The following LRBA variants were observed in gnomAD, a reference collection of about 807,000 sequenced individuals.
LRBA encodes the protein lipopolysaccharide-responsive and beige-like anchor protein.
LRBA carries 176 observed loss-of-function variants against 330.0 expected under a neutral mutation model. The observed-to-expected ratio is 0.53, with a 90% CI of 0.47 to 0.60. LRBA has a LOEUF of 0.60. Among genes scored for constraint, LRBA ranks in the 20% least tolerant of loss-of-function variants. The probability of loss-of-function intolerance (pLI) is 0.00; values close to 1 mark genes in which losing one functional copy is unlikely to be tolerated. For missense variants in LRBA, 3,259 were observed against 3,444.8 expected (o/e 0.95, Z 1.35); for synonymous variants, 1,230 against 1,193.0 (o/e 1.03, Z -0.64).
At position 150,327,010 on chromosome 4, in the gene LRBA, A is replaced by T. The variant is rs536657270; in HGVS notation, c.7363-1112T>A. Among the ~76,000 whole-genome samples, 16 of 152,318 alleles carry T rather than the reference A, an allele frequency of 1.1e-4. No individual in the cohort carries two copies. In the South Asian group the frequency reaches 3.3e-3, roughly 32 times the overall value. On this transcript the variant is annotated intron_variant, in intron 48 of 56. Coordinates refer to ENST00000651943, the MANE Select transcript of LRBA (RefSeq NM_001364905.1). ...TGATTAAACATCAAGAACAAGCTTG[A>T]GAAAAAAATCATAAAATGGGAACCT...
chr4:150,841,946 G>A (rs1179085541), intron 28 of LRBA, among the ~76,000 whole-genome samples: 4 of 151,978 alleles, frequency 2.6e-5, no homozygotes, highest in East Asian at 3.9e-4. Context: ...GTGAGCCACC[G>A]CACCCACCCA....
At chr4:150,564,649 C>T (rs1221101085) in intron 40 of LRBA, among the ~76,000 whole-genome samples, 1 of 151,982 alleles carries the variant, frequency 6.6e-6, no homozygotes, top group South Asian at 2.1e-4. Flanking sequence ...TAACAAAGGG[C>T]TAATATCCAG....
intron 47 of LRBA, among the ~76,000 whole-genome samples, chr4:150,373,164 TGTGTGTGTGAGAGAGA>T (rs1448144436): frequency 3.7e-5 from 5 of 135,120 alleles, no homozygotes; most frequent in Admixed American, 1.6e-4. Flanking sequence ...TGTGTGTGTG[TGTGTGTGTGAGAGAGA>T]GAGAGAGAGA....
intron 33 of LRBA, among the ~76,000 whole-genome samples, chr4:150,804,130 A>G (rs866570694): frequency 2.0e-5 from 3 of 152,290 alleles, no homozygotes; most frequent in East Asian, 1.9e-4. Flanking sequence ...TTCAATTTTT[A>G]AAATTCAATT....
At chr4:150,856,890 T>C (rs976331047) in intron 22 of LRBA, among the ~76,000 whole-genome samples, 5 of 152,180 alleles carry the variant, frequency 3.3e-5, no homozygotes, top group Non-Finnish European at 7.4e-5. Flanking sequence ...CTAATGACTA[T>C]AACATTTCTT....
At chr4:150,424,978 T>C (rs375200882) in intron 46 of LRBA, among the ~76,000 whole-genome samples, 2 of 152,192 alleles carry the variant, frequency 1.3e-5, no homozygotes, top group Non-Finnish European at 2.9e-5. Flanking sequence ...AACTGATATA[T>C]ACCAATATGT....
intron 44 of LRBA, among the ~76,000 whole-genome samples, chr4:150,453,696 ACTAT>A (rs1753667845): frequency 6.6e-6 from 1 of 152,094 alleles, no homozygotes; most frequent in Non-Finnish European, 1.5e-5. Context: ...ATACACGTAC[ACTAT>A]CTATTCACAG....
At chr4:150,485,151 T>C (rs761598658) in intron 42 of LRBA, among the ~76,000 whole-genome samples, 1 of 152,004 alleles carries the variant, frequency 6.6e-6, no homozygotes. Context: ...TGGTTAATAA[T>C]GTTCCAGTCT....
In LRBA at chr4:150,844,032, A is replaced by C. The variant is rs946345413; in HGVS notation, c.4569+68T>G. ...GATATCACAAAGAATTTTTAATCTC[A>C]ATACATTAGGCCTAAGAGGAAATAT... On this transcript the variant is annotated intron_variant, in intron 28 of 56. Coordinates refer to ENST00000651943, the MANE Select transcript of LRBA (RefSeq NM_001364905.1). 3.2e-5 allele frequency: 31 copies of C among 956,874 alleles called. No homozygotes were observed. The African/African-American group carries it at 4.8e-4, about 15-fold the overall frequency. The allele number at this position is 956,874 out of a possible 1,614,324, so 59.3% of individuals were successfully genotyped here.
At chr4:150,522,542 C>A (rs751352972) in intron 40 of LRBA, among the ~76,000 whole-genome samples, 3 of 152,108 alleles carry the variant, frequency 2.0e-5, no homozygotes, top group Non-Finnish European at 4.4e-5. Context: ...GAGGGTAGAT[C>A]TTTTTCAAAG....
intron 37 of LRBA, among the ~76,000 whole-genome samples, chr4:150,622,958 A>G (rs973487929): frequency 6.6e-6 from 1 of 152,004 alleles, no homozygotes; most frequent in Non-Finnish European, 1.5e-5. Flanking sequence ...CGGCCTCCCA[A>G]AGTGTTGGGA....
At chr4:150,595,442 C>T (rs978099706) in intron 38 of LRBA, among the ~76,000 whole-genome samples, 2 of 151,872 alleles carry the variant, frequency 1.3e-5, no homozygotes, top group African/African-American at 4.8e-5. Flanking sequence ...AAATGAGTTA[C>T]TTGTATCATT....
chr4:150,555,880 G>A (rs913894434), intron 40 of LRBA, among the ~76,000 whole-genome samples: 1 of 151,900 alleles, frequency 6.6e-6, no homozygotes, highest in African/African-American at 2.4e-5. Context: ...GCGGCTCACT[G>A]CAGCCTTAAT....
intron 22 of LRBA, among the ~76,000 whole-genome samples, chr4:150,853,742 G>A (rs1259096422): frequency 1.3e-5 from 2 of 152,040 alleles, no homozygotes; most frequent in African/African-American, 4.8e-5. Flanking sequence ...AAAATCTAAG[G>A]ATTATCTTAT....
At chr4:150,386,845 T>A (rs1430653454) in intron 47 of LRBA, among the ~76,000 whole-genome samples, 1 of 152,194 alleles carries the variant, frequency 6.6e-6, no homozygotes, top group African/African-American at 2.4e-5. Flanking sequence ...AACCATACTG[T>A]CTTCAACAAT....
chr4:150,796,003 C>A (rs866304587), intron 34 of LRBA, among the ~76,000 whole-genome samples: 18 of 151,940 alleles, frequency 1.2e-4, no homozygotes, highest in Middle Eastern at 3.4e-3. Context: ...ATAAGCATAT[C>A]CCATTATTTA....
At position 150,321,488 on chromosome 4, in the gene LRBA, T is replaced by G; in HGVS notation, c.7453-120A>C. 1.3e-6 allele frequency: 1 copy of G among 791,398 alleles called. No homozygotes were observed. The highest frequency in any genetic ancestry group is 1.9e-6 in the Non-Finnish European group (1 of 523,282). The allele number at this position is 791,398 out of a possible 1,614,324, so 49.0% of individuals were successfully genotyped here. On this transcript the variant is annotated intron_variant, in intron 49 of 56. Transcript: ENST00000651943. This position sits in a 1 kb window ranked among gnomAD's most constrained non-coding sequence, Gnocchi z 4.5. The stretch of plus-strand genomic sequence containing the variant: ...AAAGAAGAGGAAGACCATATTAACA[T>G]GAGTTGTAAGTGGAAGCACAGTGAG...
At chr4:150,883,108 C>T (rs1365888164) in intron 17 of LRBA, among the ~76,000 whole-genome samples, 1 of 152,146 alleles carries the variant, frequency 6.6e-6, no homozygotes, top group Non-Finnish European at 1.5e-5. Context: ...ATTTAACTTT[C>T]AGTTAATATG....
intron 33 of LRBA, among the ~76,000 whole-genome samples, chr4:150,799,267 A>T (rs1302136116): frequency 2.0e-5 from 3 of 152,216 alleles, no homozygotes; most frequent in African/African-American, 7.2e-5. Context: ...TGGCAAGAAA[A>T]TTAGCTATAG....
Sources: gnomAD v4.1 joint callset for allele counts (sites outside exome capture counted in the v4.1 genomes callset) on GRCh38, gnomAD v4.1.1 for gene constraint, Gnocchi (gnomAD v3.1) non-coding constraint, MANE v1.5 for transcripts, NCBI Gene and HGNC (gene_info 2026-07-23, HGNC 2026-07-21) for gene names.